Variants in RNF31 observed in about 807,000 individuals in gnomAD.
RNF31 encodes E3 ubiquitin-protein ligase RNF31.
RNF31 carries 38 observed loss-of-function variants against 133.6 expected under a neutral mutation model. The ratio of observed to expected loss-of-function variants is 0.28; its 90% confidence interval spans 0.22 to 0.37. RNF31 has a LOEUF of 0.37. RNF31 is among the 10% of genes least tolerant of loss of function. RNF31 has a pLI of 1.00. For missense variants in RNF31, 1,118 were observed against 1,394.1 expected (o/e 0.80, Z 3.15); for synonymous variants, 582 against 552.3 (o/e 1.05, Z -0.75).
chr14:24,148,460 G>T (rs778482769), intron 3 of RNF31, 47 bp downstream of exon 3: 2 of 1,613,024 alleles, frequency 1.2e-6, no homozygotes, highest in Non-Finnish European at 1.7e-6. Context: ...CAGGGCTGGG[G>T]AGCCCAGCCT....
Position 24,155,774 on chromosome 14 carries a change from G to C in RNF31, c.2493+82G>C. 1 of 1,232,266 alleles carries C rather than the reference G, an allele frequency of 8.1e-7. No homozygotes were observed. The highest frequency in any genetic ancestry group is 2.3e-5 in the East Asian group (1 of 42,906). The allele number at this position is 1,232,266 out of a possible 1,614,324, so 76.3% of individuals were successfully genotyped here. A position where few individuals can be genotyped will look rare whatever the true frequency, so the allele number is the denominator to read the frequency against. ...TAGACTCAGGGGAGTTTGTGTACTG[G>C]AGAGCAAAACAGACATGAGCTCTGA... is the stretch of plus-strand genomic sequence containing the variant. On this transcript the variant is annotated intron_variant, in intron 14 of 20. Coordinates refer to ENST00000324103, the MANE Select transcript of RNF31 (RefSeq NM_017999.5). The surrounding 1 kb of genome is among the most constrained non-coding windows in gnomAD (Gnocchi z 4.9).
chr14:24,148,581 T>C (rs1349800954), intron 3 of RNF31, 61 bp from the exon 4 acceptor site: 1 of 1,594,478 alleles, frequency 6.3e-7, no homozygotes, highest in Admixed American at 1.7e-5. Flanking sequence ...GACCAGGGCT[T>C]AGAGGGAGGG....
intron 3 of RNF31, 22 bp from the exon 4 acceptor site, chr14:24,148,620 G>A (rs750060939): frequency 5.6e-6 from 9 of 1,613,648 alleles, no homozygotes; most frequent in South Asian, 4.4e-5. Flanking sequence ...GCTGGAAACC[G>A]TTTTTATCTG....
Position 24,150,152 on chromosome 14 carries a change from C to T in RNF31, c.901C>T (p.His301Tyr), listed in dbSNP as rs751482089. The change falls in exon 7 of 21, where the codon CAT becomes TAT. Residue 301 changes from histidine to tyrosine, a missense_variant. Physicochemically the swap from His to Tyr is moderately conservative, Grantham distance 83 (BLOSUM62 2). Around this residue, in one of 3 missense-constraint regions of RNF31, gnomAD observed 747 missense variants for 827.9 expected, o/e 0.90. Coordinates refer to ENST00000324103, the MANE Select transcript of RNF31 (RefSeq NM_017999.5). ...TTCTTCCCCTAATCCTGCAAGTGCT[C>T]ATTTGCCCTGGCACTGTGCTGCCTG... The part of the protein sequence containing the change: ...SLSSPNPASA[H>Y]LPWHCAACAM... The T allele has an allele frequency of 3.1e-6, 5 of 1,613,604 alleles. No individual in the cohort carries two copies. Among genetic ancestry groups the T allele is most frequent in the Non-Finnish European group, 4.2e-6 (5 of 1,179,572 alleles).
chr14:24,155,084 C>G lies in RNF31; in HGVS notation c.2131-73C>G, dbSNP rs2038321829. The G allele has an allele frequency of 1.4e-6, 2 of 1,460,530 alleles. No individual in the cohort carries two copies. Among genetic ancestry groups the G allele is most frequent in the Non-Finnish European group, 1.9e-6 (2 of 1,057,198 alleles). The allele number at this position is 1,460,530 out of a possible 1,614,324, so 90.5% of individuals were successfully genotyped here. On this transcript the variant is annotated intron_variant, in intron 11 of 20. Coordinates refer to ENST00000324103, the MANE Select transcript of RNF31 (RefSeq NM_017999.5). The surrounding 1 kb of genome is among the most constrained non-coding windows in gnomAD (Gnocchi z 4.9). ...TAGACCCTGATTTCTTAGTGGACAC[C>G]TGGCCACTGCCTCTTCCCTAGCCTG...
rs762540490 is a variant in RNF31, at chr14:24,160,603, A to G, written c.*30A>G. The G allele has an allele frequency of 2.0e-6, 3 of 1,496,726 alleles. No homozygotes were observed. Among genetic ancestry groups the G allele is most frequent in the Middle Eastern group, 2.1e-4 (1 of 4,794 alleles). 92.7% of individuals were successfully genotyped at this position (1,496,726 alleles called of 1,614,324 possible). A position where few individuals can be genotyped will look rare whatever the true frequency, so the allele number is the denominator to read the frequency against. Reference sequence around the variant, plus strand: ...GGGCAAGGGTCCCGATGAGGGTCCCATGGCCTGCTCCCTCAGGAACAGCTC... The same window carrying G: ...GGGCAAGGGTCCCGATGAGGGTCCCGTGGCCTGCTCCCTCAGGAACAGCTC... On this transcript the variant is annotated 3_prime_UTR_variant, in exon 21 of 21. Coordinates refer to ENST00000324103, the MANE Select transcript of RNF31 (RefSeq NM_017999.5). The surrounding 1 kb of genome is among the most constrained non-coding windows in gnomAD (Gnocchi z 4.0).
intron 14 of RNF31, among the ~76,000 whole-genome samples, chr14:24,156,083 T>C (rs1268025526): frequency 6.6e-6 from 1 of 152,050 alleles, no homozygotes; most frequent in Non-Finnish European, 1.5e-5. Flanking sequence ...AAGCCAGCCA[T>C]GCAAAGAGCA....
rs1188185240 is a variant in RNF31 at position 24,157,687 on chromosome 14, G to A, written c.2727+49G>A. On this transcript the variant is annotated intron_variant, in intron 16 of 20. Coordinates refer to ENST00000324103, the MANE Select transcript of RNF31 (RefSeq NM_017999.5). ...GGGTGGAAGGGTGGGGGGTGCCATT[G>A]GCTTTGAGAGTCAGAGGCTATTGAG... 1.3e-5 allele frequency: 20 copies of A among 1,514,268 alleles called. No individual in the cohort carries two copies. In the African/African-American group the frequency reaches 2.3e-4, roughly 18 times the overall value. The allele number at this position is 1,514,268 out of a possible 1,614,324, so 93.8% of individuals were successfully genotyped here.
At position 24,160,646 on chromosome 14, in the gene RNF31, C is replaced by A; in HGVS notation, c.*73C>A. On this transcript the variant is annotated 3_prime_UTR_variant, in exon 21 of 21. Transcript: ENST00000324103. This position sits in a 1 kb window ranked among gnomAD's most constrained non-coding sequence, Gnocchi z 4.0. ...AACAGCTCCAGCACCAATAAAGAGG[C>A]ATCTTACCACCCAGGCTTCTTGGTG... 8.6e-7 allele frequency: 1 copy of A among 1,160,544 alleles called. No individual in the cohort carries two copies. The highest frequency in any genetic ancestry group is 1.2e-6 in the Non-Finnish European group (1 of 866,088). 71.9% of individuals were successfully genotyped at this position (1,160,544 alleles called of 1,614,324 possible).
Position 24,150,668 on chromosome 14 carries a change from C to G in RNF31, c.1268C>G (p.Ser423Trp), listed in dbSNP as rs375081171. Residue 423 changes from serine (S) to tryptophan (W), a missense_variant, in exon 8 of 21, where the codon TCG becomes TGG. Ser to Trp is a radical substitution (Grantham distance 177). Coordinates refer to ENST00000324103, the MANE Select transcript of RNF31 (RefSeq NM_017999.5). ...TGTATTCACTGTACCTTCTGCAACT[C>G]GAGCCCTGGCTGGGTGTGTGTTATG... ...WYCIHCTFCN[S>W]SPGWVCVMCN... 15 of 1,614,096 alleles carry G rather than the reference C, an allele frequency of 9.3e-6. No homozygotes were observed. The highest frequency in any genetic ancestry group is 6.7e-5 in the African/African-American group (5 of 74,934).
At chr14:24,157,251 G>T in intron 14 of RNF31, 39 bp from the exon 15 acceptor site, 1 of 1,517,858 alleles carries the variant, frequency 6.6e-7, no homozygotes, top group Non-Finnish European at 9.0e-7. Context: ...CAGGGGATGG[G>T]ATAGAGCTCC....
At position 24,160,297 on chromosome 14, in the gene RNF31, A is replaced by G. The variant is rs1385571089; in HGVS notation, c.3055A>G (p.Thr1019Ala). ...CAATGCCCACTCGCTGGACCCAGCCACCTTGTATGAGGTGGAAGAGCTGGA... is the reference window on the plus strand; with the variant it reads ...CAATGCCCACTCGCTGGACCCAGCCGCCTTGTATGAGGTGGAAGAGCTGGA... The part of the protein sequence containing the change: ...LINAHSLDPA[T>A]LYEVEELETA... Residue 1019 changes from threonine to alanine, a missense_variant, in exon 20 of 21, where the codon ACC becomes GCC. Thr to Ala is a moderately conservative substitution (Grantham distance 58). Coordinates refer to ENST00000324103, the MANE Select transcript of RNF31 (RefSeq NM_017999.5). The surrounding 1 kb of genome is among the most constrained non-coding windows in gnomAD (Gnocchi z 4.0). The G allele has an allele frequency of 3.1e-6, 5 of 1,614,124 alleles. No individual in the cohort carries two copies. The South Asian group carries it at 4.4e-5, about 14-fold the overall frequency.
Position 24,157,977 on chromosome 14 carries a change from A to C in RNF31, c.2807A>C (p.Asp936Ala), listed in dbSNP as rs1298964390. ...HPRDCLFYLR[D>A]WTALRLQKLL... Reference sequence around the variant, plus strand: ...CGAGACTGCCTCTTCTACCTGCGGGACTGGACTGCTCTCCGGCTTCAGAAG... The same window carrying C: ...CGAGACTGCCTCTTCTACCTGCGGGCCTGGACTGCTCTCCGGCTTCAGAAG... Residue 936 changes from aspartate (D) to alanine (A), a missense_variant, in exon 17 of 21, where the codon GAC (aspartate) becomes GCC (alanine). By Grantham distance (126) the Asp-to-Ala change is moderately radical. This residue lies in a region of RNF31 where 170 missense variants were observed against 194.5 expected (regional missense o/e 0.87). Transcript: ENST00000324103. The C allele has an allele frequency of 6.2e-7, 1 of 1,614,092 alleles. No individual in the cohort carries two copies. Among genetic ancestry groups the C allele is most frequent in the Non-Finnish European group, 8.5e-7 (1 of 1,180,014 alleles).
In RNF31 at chr14:24,155,581, C is replaced by T; in HGVS notation, c.2404-22C>T. The T allele has an allele frequency of 3.1e-6, 5 of 1,613,998 alleles. No individual in the cohort carries two copies. The highest frequency in any genetic ancestry group is 4.2e-6 in the Non-Finnish European group (5 of 1,179,840). ...TGGTTCCAGGTCAGGCCTTTGATAA[C>T]TTTATGCTCTTGCACTTCCAGTGCT... On this transcript the variant is annotated intron_variant, in intron 13 of 20. Coordinates refer to ENST00000324103, the MANE Select transcript of RNF31 (RefSeq NM_017999.5). The surrounding 1 kb of genome is among the most constrained non-coding windows in gnomAD (Gnocchi z 4.9).
chr14:24,149,073 C>T (rs1315811973), intron 5 of RNF31, 197 bp downstream of exon 5: 3 of 620,846 alleles, frequency 4.8e-6, no homozygotes, highest in Non-Finnish European at 8.5e-6. Flanking sequence ...AAGCGATTCT[C>T]CTGCCTCAGC....
At chr14:24,156,232 C>T (rs1594381561) in intron 14 of RNF31, among the ~76,000 whole-genome samples, 1 of 152,182 alleles carries the variant, frequency 6.6e-6, no homozygotes, top group African/African-American at 2.4e-5. Context: ...CTGGAGGCCA[C>T]GTGAAGCAGG....
At chr14:24,148,197 G>A in intron 2 of RNF31, 61 bp from the exon 3 acceptor site, 1 of 1,613,112 alleles carries the variant, frequency 6.2e-7, no homozygotes, top group Non-Finnish European at 8.5e-7. Context: ...TGAATGGGAA[G>A]GGGTCCAGCC....
At position 24,147,532 on chromosome 14, in the gene RNF31, G is replaced by C; in HGVS notation, c.-167G>C. On this transcript the variant is annotated 5_prime_UTR_variant, in exon 1 of 21. Transcript: ENST00000324103. ...CCTGTTCTCGGCTAACCCTGGCGCT[G>C]GGCCGGGGGCTGGAGAGTGACCGTG... 5.8e-6 allele frequency: 3 copies of C among 520,350 alleles called. No homozygotes were observed. Among genetic ancestry groups the C allele is most frequent in the Non-Finnish European group, 3.1e-6 (1 of 321,752 alleles). 32.2% of individuals were successfully genotyped at this position (520,350 alleles called of 1,614,324 possible).
chr14:24,159,032 C>CAAA (rs529900287), intron 18 of RNF31, among the ~76,000 whole-genome samples: 2 of 54,426 alleles, frequency 3.7e-5, no homozygotes, highest in Non-Finnish European at 6.7e-5. Flanking sequence ...GACTTCGTCT[C>CAAA]AAAAAAAAAA....
Sources: allele counts gnomAD v4.1 joint callset (sites outside exome capture counted in the v4.1 genomes callset), GRCh38; gene constraint gnomAD v4.1.1; regional missense constraint gnomAD v4.1.1; non-coding constraint Gnocchi (gnomAD v3.1); transcripts MANE v1.5; gene names NCBI Gene and HGNC (gene_info 2026-07-23, HGNC 2026-07-21).